The following CUX1 variants were observed in gnomAD, a reference collection of about 807,000 sequenced individuals.
CUX1 encodes the protein cut like homeobox 1, also known as protein CASP.
Under a neutral mutation model 158.8 loss-of-function variants are expected in CUX1, and 31 were observed. The ratio of observed to expected loss-of-function variants is 0.20; its 90% confidence interval spans 0.15 to 0.26. The LOEUF (loss-of-function observed/expected upper bound fraction) is 0.26, where lower values mean the gene tolerates loss of function less well. Among genes scored for constraint, CUX1 ranks in the 10% least tolerant of loss-of-function variants. CUX1 has a pLI of 1.00. For synonymous variants in CUX1, 879 were observed against 862.1 expected (o/e 1.02, Z -0.34); for missense variants, 1,589 against 2,014.6 (o/e 0.79, Z 4.04).
Position 102,255,075 on chromosome 7 carries a change from GC to G in CUX1, c.*6039del, listed in dbSNP as rs1242142356. ...AAAACAAGCCCCAGCCCTACTCCCG[GC>G]CCCCCAGCCCAGTCTTCCCAATCCC... is the stretch of plus-strand genomic sequence containing the variant. On this transcript the variant is annotated 3_prime_UTR_variant, in exon 24 of 24. Coordinates refer to ENST00000292535, the MANE Select transcript of CUX1 (RefSeq NM_181552.4). 3 of 985,278 alleles carry G rather than the reference GC, an allele frequency of 3.0e-6. No homozygotes were observed. The highest frequency in any genetic ancestry group is 3.5e-5 in the African/African-American group (2 of 57,180). 61.0% of individuals were successfully genotyped at this position (985,278 alleles called of 1,614,324 possible).
intron 1 of CUX1, among the ~76,000 whole-genome samples, chr7:101,871,355 C>G (rs1186802841): frequency 6.7e-6 from 1 of 149,600 alleles, no homozygotes; most frequent in Non-Finnish European, 1.5e-5. Context: ...ATCATAGTGG[C>G]AGAATCTTAA....
intron 2 of CUX1, among the ~76,000 whole-genome samples, chr7:101,924,425 C>T (rs543945492): frequency 6.6e-6 from 1 of 152,126 alleles, no homozygotes; most frequent in Non-Finnish European, 1.5e-5. Context: ...GAGATAGTCA[C>T]CAGGGCTCCA....
At chr7:102,013,924 C>T (rs545327782) in intron 2 of CUX1, among the ~76,000 whole-genome samples, 13 of 152,174 alleles carry the variant, frequency 8.5e-5, no homozygotes, top group Admixed American at 7.9e-4. Flanking sequence ...AAGCTGGTCT[C>T]GAACTCCTGG....
At chr7:101,958,872 T>TTTA (rs1167690367) in intron 2 of CUX1, among the ~76,000 whole-genome samples, 4 of 141,212 alleles carry the variant, frequency 2.8e-5, no homozygotes, top group Admixed American at 7.2e-5. Context: ...TTTTTTTTTT[T>TTTA]AAGAGACAGT....
At position 102,046,569 on chromosome 7, in the gene CUX1, A is replaced by ATTTTTTTTTTTTTT. The variant is rs55753644; in HGVS notation, c.189+18438_189+18451dup. On this transcript the variant is annotated intron_variant, in intron 3 of 23. Coordinates refer to ENST00000292535, the MANE Select transcript of CUX1 (RefSeq NM_181552.4). ...CCTGTTCTGTTTTGGTTTGGTTTGG[A>ATTTTTTTTTTTTTT]TTTTTTTTTTTTTTTTTTTTTTTTT... Among the ~76,000 whole-genome samples, 73 of 55,476 alleles carry ATTTTTTTTTTTTTT rather than the reference A, an allele frequency of 1.3e-3. 6 individuals are homozygous for ATTTTTTTTTTTTTT. Among genetic ancestry groups the ATTTTTTTTTTTTTT allele is most frequent in the South Asian group, 2.2e-3 (3 of 1,382 alleles). 36.4% of individuals were successfully genotyped at this position (55,476 alleles called of 152,430 possible). A position where few individuals can be genotyped will look rare whatever the true frequency, so the allele number is the denominator to read the frequency against.
At chr7:102,147,285 C>CCTG (rs564296611) in intron 8 of CUX1, among the ~76,000 whole-genome samples, 24 of 152,248 alleles carry the variant, frequency 1.6e-4, no homozygotes, top group African/African-American at 5.3e-4. Flanking sequence ...ATGAGGGCTG[C>CCTG]CAAGAAAACC....
chr7:102,215,368 A>G (rs1796950065), intron 20 of CUX1, among the ~76,000 whole-genome samples: 1 of 151,328 alleles, frequency 6.6e-6, no homozygotes, highest in Non-Finnish European at 1.5e-5. Flanking sequence ...ACACTGATGT[A>G]TGATAATTAC....
chr7:101,930,268 A>G (rs1806139525), intron 2 of CUX1, among the ~76,000 whole-genome samples: 1 of 152,210 alleles, frequency 6.6e-6, no homozygotes, highest in Non-Finnish European at 1.5e-5. Context: ...GTCAGGGGGA[A>G]TGTTTTCTAG....
In CUX1 at chr7:102,232,527, T is replaced by C. The variant is rs1799115687; in HGVS notation, c.3434-1525T>C. On this transcript the variant is annotated intron_variant, in intron 21 of 23. Transcript: ENST00000292535. ...GAGAGGTGCCTTCTGTTCTGTACACTTTATGGGGTCAAACGCTGGCCCCTC... is the reference window on the plus strand; with the variant it reads ...GAGAGGTGCCTTCTGTTCTGTACACCTTATGGGGTCAAACGCTGGCCCCTC... Among the ~76,000 whole-genome samples, 3 of 152,118 alleles carry C rather than the reference T, an allele frequency of 2.0e-5. 1 individual carries two copies. Among genetic ancestry groups the C allele is most frequent in the Admixed American group, 2.0e-4 (3 of 15,274 alleles).
chr7:102,156,036 C>G (rs1789710023), intron 8 of CUX1, among the ~76,000 whole-genome samples: 2 of 152,176 alleles, frequency 1.3e-5, no homozygotes, highest in Admixed American at 6.5e-5. Context: ...CAAACAGATA[C>G]AATGAACATT....
intron 4 of CUX1, among the ~76,000 whole-genome samples, chr7:102,092,487 C>T (rs377382622): frequency 1.9e-3 from 282 of 152,374 alleles, no homozygotes; most frequent in African/African-American, 6.5e-3. Flanking sequence ...TGCTCAGCAG[C>T]GCAAACGCTC....
In CUX1 at chr7:102,201,323, C is replaced by T. The variant is rs782472467; in HGVS notation, c.2063-37C>T. The T allele has an allele frequency of 3.8e-6, 6 of 1,592,074 alleles. No homozygotes were observed. The highest frequency in any genetic ancestry group is 1.7e-5 in the Admixed American group (1 of 58,970). ...AAGCATGTCCCCAGCTGAAGGGGGCCGCCCTGCCACACTCTCACCCCTGTT... is the reference window on the plus strand; with the variant it reads ...AAGCATGTCCCCAGCTGAAGGGGGCTGCCCTGCCACACTCTCACCCCTGTT... On this transcript the variant is annotated intron_variant, in intron 17 of 23. Coordinates refer to ENST00000292535, the MANE Select transcript of CUX1 (RefSeq NM_181552.4). The surrounding 1 kb of genome is among the most constrained non-coding windows in gnomAD (Gnocchi z 5.0).
chr7:102,063,783 A>G (rs1333492553), intron 3 of CUX1, among the ~76,000 whole-genome samples: 1 of 152,232 alleles, frequency 6.6e-6, no homozygotes, highest in Non-Finnish European at 1.5e-5. Flanking sequence ...GCAGTTGGCC[A>G]TTGCGGAAGA....
intron 8 of CUX1, among the ~76,000 whole-genome samples, chr7:102,129,357 C>G (rs1373943084): frequency 6.7e-6 from 1 of 149,944 alleles, no homozygotes; most frequent in Non-Finnish European, 1.5e-5. Context: ...CATTGCACAG[C>G]TGCAAATGCC....
At chr7:101,992,892 A>G (rs1439061329) in intron 2 of CUX1, among the ~76,000 whole-genome samples, 2 of 151,994 alleles carry the variant, frequency 1.3e-5, no homozygotes, top group Non-Finnish European at 2.9e-5. Flanking sequence ...AATAGGGAAT[A>G]ATACGTCTGT....
chr7:102,249,005 C>T lies in CUX1; in HGVS notation c.4481C>T (p.Ala1494Val). The change falls in exon 24 of 24, where the codon GCC becomes GTC. Residue 1494 changes from alanine (A) to valine (V), a missense_variant. Physicochemically the swap from Ala to Val is moderately conservative, Grantham distance 64 (BLOSUM62 0). This residue lies in a region of CUX1 where 344 missense variants were observed against 323.7 expected (regional missense o/e 1.06). Transcript: ENST00000292535. Reference sequence around the variant, plus strand: ...AGCATCATCCACCGCCTGGAGAAGGCCGCCAGCCGGGAGGAACCTATCGAA... The same window carrying T: ...AGCATCATCCACCGCCTGGAGAAGGTCGCCAGCCGGGAGGAACCTATCGAA... ...LNSIIHRLEK[A>V]ASREEPIEWE... 5.7e-6 allele frequency: 8 copies of T among 1,403,544 alleles called. No individual in the cohort carries two copies. The highest frequency in any genetic ancestry group is 6.6e-6 in the Non-Finnish European group (7 of 1,067,362). 86.9% of individuals were successfully genotyped at this position (1,403,544 alleles called of 1,614,324 possible).
intron 23 of CUX1, among the ~76,000 whole-genome samples, chr7:102,239,899 A>T (rs569315167): frequency 6.6e-6 from 1 of 152,234 alleles, no homozygotes; most frequent in East Asian, 1.9e-4. Context: ...GGCATGCACC[A>T]CCAAGCCCGG....
At position 101,817,699 on chromosome 7, in the gene CUX1, G is replaced by C; in HGVS notation, c.30+30G>C. 1 of 1,549,354 alleles carries C rather than the reference G, an allele frequency of 6.5e-7. No individual in the cohort carries two copies. The highest frequency in any genetic ancestry group is 8.7e-7 in the Non-Finnish European group (1 of 1,146,604). On this transcript the variant is annotated intron_variant, in intron 1 of 23. Transcript: ENST00000292535. This position sits in a 1 kb window ranked among gnomAD's most constrained non-coding sequence, Gnocchi z 4.1. ...GCGGCGTGTGGGCCAGAAGTCCCGA[G>C]GTTGCAGGCGCGGAGGGAACCGGGG... is the stretch of plus-strand genomic sequence containing the variant.
chr7:102,207,000 A>G (rs1252495797), intron 20 of CUX1, among the ~76,000 whole-genome samples: 1 of 152,224 alleles, frequency 6.6e-6, no homozygotes, highest in Non-Finnish European at 1.5e-5. Flanking sequence ...TGACGGAACA[A>G]ATCCTTGAAG....
Sources: allele counts gnomAD v4.1 joint callset (sites outside exome capture counted in the v4.1 genomes callset), GRCh38; gene constraint gnomAD v4.1.1; regional missense constraint gnomAD v4.1.1; non-coding constraint Gnocchi (gnomAD v3.1); transcripts MANE v1.5; gene names NCBI Gene and HGNC (gene_info 2026-07-23, HGNC 2026-07-21).